The following ITGBL1 variants were observed in gnomAD, a reference collection of about 807,000 sequenced individuals.
ITGBL1 encodes the protein integrin beta-like protein 1.
In ITGBL1, 51 loss-of-function variants were observed where a neutral mutation model predicts 68.5. The ratio of observed to expected loss-of-function variants is 0.74; its 90% confidence interval spans 0.59 to 0.94. The LOEUF is 0.94. ITGBL1 is among the 40% of genes least tolerant of loss of function. ITGBL1 has a pLI of 0.00. For missense variants in ITGBL1, 649 were observed against 647.4 expected (o/e 1.00, Z -0.03); for synonymous variants, 209 against 227.3 (o/e 0.92, Z 0.72).
At chr13:101,587,595 A>G (rs1407951732) in intron 6 of ITGBL1, among the ~76,000 whole-genome samples, 1 of 152,224 alleles carries the variant, frequency 6.6e-6, no homozygotes, top group African/African-American at 2.4e-5. Flanking sequence ...AATTGGAAAA[A>G]TACGCTGCAA....
At chr13:101,708,068 CAT>C (rs1555368052) in intron 9 of ITGBL1, among the ~76,000 whole-genome samples, 125 of 146,948 alleles carry the variant, frequency 8.5e-4, no homozygotes, top group African/African-American at 2.8e-3. Context: ...CACACACACA[CAT>C]ACACACAAAT....
chr13:101,530,127 G>A (rs1279710652), intron 2 of ITGBL1, among the ~76,000 whole-genome samples: 1 of 152,090 alleles, frequency 6.6e-6, no homozygotes, highest in East Asian at 1.9e-4. Flanking sequence ...CTGGTGGGAA[G>A]CATTAAAAAC....
intron 2 of ITGBL1, among the ~76,000 whole-genome samples, chr13:101,517,794 G>A (rs1210526946): frequency 6.6e-6 from 1 of 152,142 alleles, no homozygotes; most frequent in Non-Finnish European, 1.5e-5. Context: ...ATTACAATGG[G>A]TTCAGAGAGT....
chr13:101,600,356 C>T (rs886679215), intron 7 of ITGBL1, among the ~76,000 whole-genome samples: 16 of 152,296 alleles, frequency 1.1e-4, no homozygotes, highest in African/African-American at 3.6e-4. Context: ...ATGGGGTTTT[C>T]TAGATATACA....
intron 7 of ITGBL1, among the ~76,000 whole-genome samples, chr13:101,605,507 C>CATAT (rs2030742663): frequency 3.3e-3 from 106 of 31,882 alleles, no homozygotes; most frequent in South Asian, 9.6e-3. Flanking sequence ...CATGTATATG[C>CATAT]GTATACACAT....
At chr13:101,671,177 C>T (rs1054352127) in intron 7 of ITGBL1, among the ~76,000 whole-genome samples, 3 of 152,004 alleles carry the variant, frequency 2.0e-5, no homozygotes, top group Non-Finnish European at 4.4e-5. Flanking sequence ...TAACACTAAA[C>T]TCAGTAGGCC....
rs531104062 is a variant in ITGBL1 at position 101,484,928 on chromosome 13, T to C, written c.316+30828T>C. Among the ~76,000 whole-genome samples, 43 of 152,206 alleles carry C rather than the reference T, an allele frequency of 2.8e-4. 1 individual carries two copies. Among genetic ancestry groups the C allele is most frequent in the Non-Finnish European group, 1.9e-4 (13 of 67,992 alleles). ...TCTGAAGACACTACACTGAGGCATG[T>C]CAAAATTAAATTGCTCAAAACCGTT... On this transcript the variant is annotated intron_variant, in intron 2 of 10. Transcript: ENST00000376180.
At chr13:101,564,960 C>T (rs552105277) in intron 2 of ITGBL1, among the ~76,000 whole-genome samples, 2 of 151,978 alleles carry the variant, frequency 1.3e-5, no homozygotes, top group South Asian at 2.1e-4. Context: ...TACACTGCCA[C>T]AAGCCAAGAA....
intron 2 of ITGBL1, among the ~76,000 whole-genome samples, chr13:101,554,643 G>A (rs769788586): frequency 3.3e-5 from 5 of 152,200 alleles, no homozygotes; most frequent in African/African-American, 1.2e-4. Context: ...TTATTCTGTT[G>A]AAATTGTTCT....
intron 2 of ITGBL1, among the ~76,000 whole-genome samples, chr13:101,513,768 T>C (rs2049151973): frequency 6.6e-6 from 1 of 152,054 alleles, no homozygotes; most frequent in Non-Finnish European, 1.5e-5. Flanking sequence ...CAACAAGTAA[T>C]GAATTGTTAA....
At chr13:101,719,049 A>ATATT (rs1555368854), downstream of ITGBL1, 3 of 152,102 alleles carry the variant, frequency 2.0e-5, no homozygotes, top group Non-Finnish European at 4.4e-5. Context: ...AATGGAAAAA[A>ATATT]TATTTCAATT....
At chr13:101,616,008 A>G (rs1017733755) in intron 7 of ITGBL1, among the ~76,000 whole-genome samples, 28 of 152,262 alleles carry the variant, frequency 1.8e-4, no homozygotes, top group African/African-American at 6.3e-4. Flanking sequence ...CTACTCATCT[A>G]TGGTATATTT....
At chr13:101,485,567 G>T (rs1003191868) in intron 2 of ITGBL1, among the ~76,000 whole-genome samples, 6 of 152,166 alleles carry the variant, frequency 3.9e-5, no homozygotes, top group Admixed American at 3.3e-4. Context: ...CACTTTGGGA[G>T]ACCGAGGTGG....
chr13:101,524,979 G>GAAAGGATGAATGAATACCTATAATTGAA (rs1418728910), intron 2 of ITGBL1, among the ~76,000 whole-genome samples: 33 of 152,104 alleles, frequency 2.2e-4, no homozygotes, highest in Admixed American at 1.5e-3. Flanking sequence ...GTTTGTTGGT[G>GAAAGGATGAATGAATACCTATAATTGAA]AAAGGATGAA....
intron 7 of ITGBL1, among the ~76,000 whole-genome samples, chr13:101,620,706 T>G (rs561783895): frequency 1.3e-5 from 2 of 152,110 alleles, no homozygotes; most frequent in South Asian, 2.1e-4. Context: ...TGTGGATGAG[T>G]CAAAGTTAGA....
intron 7 of ITGBL1, among the ~76,000 whole-genome samples, chr13:101,638,196 T>C (rs1166350257): frequency 6.6e-6 from 1 of 152,148 alleles, no homozygotes; most frequent in Non-Finnish European, 1.5e-5. Flanking sequence ...GACATTATTT[T>C]ACAGAGGATT....
chr13:101,607,671 TA>T (rs1256225950), intron 7 of ITGBL1, among the ~76,000 whole-genome samples: 1 of 152,026 alleles, frequency 6.6e-6, no homozygotes, highest in East Asian at 1.9e-4. Context: ...ATCTCTAAAA[TA>T]AATTATACAG....
At chr13:101,499,787 T>A (rs892408403) in intron 2 of ITGBL1, among the ~76,000 whole-genome samples, 5 of 152,230 alleles carry the variant, frequency 3.3e-5, no homozygotes, top group South Asian at 2.1e-4. Flanking sequence ...TTAAAATGTT[T>A]CATAAAAATA....
At chr13:101,707,232 A>G (rs1457639625) in intron 9 of ITGBL1, among the ~76,000 whole-genome samples, 1 of 152,176 alleles carries the variant, frequency 6.6e-6, no homozygotes, top group Non-Finnish European at 1.5e-5. Flanking sequence ...AGGCAAAAGA[A>G]TGATTATTGG....
Sources: gnomAD v4.1 joint callset for allele counts (sites outside exome capture counted in the v4.1 genomes callset) on GRCh38, gnomAD v4.1.1 for gene constraint, MANE v1.5 for transcripts, NCBI Gene and HGNC (gene_info 2026-07-23, HGNC 2026-07-21) for gene names.